Variants in PDE4D observed in about 807,000 individuals in gnomAD.
PDE4D encodes the protein 3',5'-cyclic-AMP phosphodiesterase 4D.
Under a neutral mutation model 87.4 loss-of-function variants are expected in PDE4D, and 24 were observed. The observed-to-expected ratio is 0.27, with a 90% CI of 0.20 to 0.39. The LOEUF (loss-of-function observed/expected upper bound fraction) is 0.39, where lower values mean the gene tolerates loss of function less well. Among genes scored for constraint, PDE4D ranks in the 10% least tolerant of loss-of-function variants. The pLI is 1.00. For synonymous variants in PDE4D, 384 were observed against 383.2 expected (o/e 1.00, Z -0.02); for missense variants, 714 against 1,041.0 (o/e 0.69, Z 4.32).
At chr5:60,360,878 G>A (rs187163035) in intron 1 of PDE4D, among the ~76,000 whole-genome samples, 8 of 152,292 alleles carry the variant, frequency 5.3e-5, no homozygotes, top group Non-Finnish European at 1.0e-4. Flanking sequence ...TTCACTCCAC[G>A]ACTAATCATC....
rs561124800 is a variant in PDE4D, at chr5:59,893,680, C to A, written c.-58G>T. The A allele has an allele frequency of 3.3e-4, 456 of 1,401,336 alleles. 3 individuals are homozygous for A. In the African/African-American group the frequency reaches 5.8e-3, roughly 18 times the overall value. The allele number at this position is 1,401,336 out of a possible 1,614,324, so 86.8% of individuals were successfully genotyped here. On this transcript the variant is annotated 5_prime_UTR_variant, in exon 1 of 15. Coordinates refer to ENST00000340635, the MANE Select transcript of PDE4D (RefSeq NM_001104631.2). Reference sequence around the variant, plus strand: ...CCCGGGTTCACCGCGCTGGCCCGAGCGCCTTCCTGATGCTGCTGCTGCTGC... The same window carrying A: ...CCCGGGTTCACCGCGCTGGCCCGAGAGCCTTCCTGATGCTGCTGCTGCTGC...
intron 1 of PDE4D, among the ~76,000 whole-genome samples, chr5:60,422,088 G>A (rs544797173): frequency 7.2e-5 from 11 of 152,284 alleles, no homozygotes; most frequent in East Asian, 1.9e-4. Context: ...TGAAAGTGAC[G>A]GGGAGAATGG....
intron 5 of PDE4D, among the ~76,000 whole-genome samples, chr5:59,086,432 C>T (rs1286341072): frequency 6.6e-6 from 1 of 152,064 alleles, no homozygotes; most frequent in Non-Finnish European, 1.5e-5. Flanking sequence ...TTGAGAACAC[C>T]ACTCTCCTAA....
intron 3 of PDE4D, among the ~76,000 whole-genome samples, chr5:59,918,921 AGT>A (rs1325722585): frequency 1.3e-5 from 2 of 152,172 alleles, no homozygotes; most frequent in African/African-American, 2.4e-5. Context: ...TGAGATAGTA[AGT>A]GTGTGTTGTT....
Position 59,850,301 on chromosome 5 carries a change from G to A in PDE4D, c.455+42867C>T, listed in dbSNP as rs192433187. Reference sequence around the variant, plus strand: ...TAGTTGCATAGAGAATAACAAAGAGGGTTACGCCAGAACCTCCAAACTTTT... The same window carrying A: ...TAGTTGCATAGAGAATAACAAAGAGAGTTACGCCAGAACCTCCAAACTTTT... On this transcript the variant is annotated intron_variant, in intron 1 of 14. Coordinates refer to ENST00000340635, the MANE Select transcript of PDE4D (RefSeq NM_001104631.2). Among the ~76,000 whole-genome samples, 4 of 152,058 alleles carry A rather than the reference G, an allele frequency of 2.6e-5. No individual in the cohort carries two copies. The East Asian group carries it at 7.8e-4, about 30-fold the overall frequency.
intron 1 of PDE4D, among the ~76,000 whole-genome samples, chr5:59,599,833 C>T (rs1459586456): frequency 2.0e-5 from 3 of 152,146 alleles, no homozygotes; most frequent in African/African-American, 4.8e-5. Flanking sequence ...ATTGACTCCT[C>T]TGGGATTGGA....
At chr5:60,296,636 A>G (rs1050255092) in intron 1 of PDE4D, among the ~76,000 whole-genome samples, 2 of 152,214 alleles carry the variant, frequency 1.3e-5, no homozygotes, top group Non-Finnish European at 2.9e-5. Context: ...CAAAAGACAC[A>G]TGCACGTATA....
At chr5:59,346,290 AT>A (rs1235240538) in intron 1 of PDE4D, among the ~76,000 whole-genome samples, 1 of 151,990 alleles carries the variant, frequency 6.6e-6, no homozygotes, top group Non-Finnish European at 1.5e-5. Flanking sequence ...ATGGCTAAGC[AT>A]TTTTTTCTCT....
intron 1 of PDE4D, among the ~76,000 whole-genome samples, chr5:60,391,015 A>G (rs1020158847): frequency 6.6e-6 from 1 of 152,164 alleles, no homozygotes; most frequent in African/African-American, 2.4e-5. Flanking sequence ...ACTGCTTCCT[A>G]TCACTGTTAC....
chr5:59,502,710 G>GTGTT (rs1491037606), intron 1 of PDE4D, among the ~76,000 whole-genome samples: 2 of 117,248 alleles, frequency 1.7e-5, no homozygotes, highest in African/African-American at 3.2e-5. Flanking sequence ...GTGTGTGTGT[G>GTGTT]TAGTTTGTTT....
chr5:60,260,794 G>C (rs187858397), intron 1 of PDE4D, among the ~76,000 whole-genome samples: 2 of 152,116 alleles, frequency 1.3e-5, no homozygotes, highest in East Asian at 3.9e-4. Flanking sequence ...AGTTCCTAAG[G>C]GACCATGTGT....
At chr5:59,293,430 G>T (rs889428538) in intron 1 of PDE4D, among the ~76,000 whole-genome samples, 13 of 151,994 alleles carry the variant, frequency 8.6e-5, no homozygotes, top group African/African-American at 1.9e-4. Context: ...ACAGGGTTAG[G>T]TTCTTATTTC....
chr5:59,730,471 T>G (rs980234870), intron 1 of PDE4D, among the ~76,000 whole-genome samples: 23 of 152,194 alleles, frequency 1.5e-4, no homozygotes, highest in African/African-American at 4.8e-4. Flanking sequence ...AAACTTTTAC[T>G]TTCAGACTCA....
chr5:59,112,258 G>C (rs1254395707), intron 5 of PDE4D, among the ~76,000 whole-genome samples: 2 of 152,166 alleles, frequency 1.3e-5, no homozygotes, highest in Non-Finnish European at 2.9e-5. Context: ...GGCTGGAGCT[G>C]AGTGAATGAG....
chr5:59,814,419 T>G (rs1768741288), intron 1 of PDE4D, among the ~76,000 whole-genome samples: 2 of 152,202 alleles, frequency 1.3e-5, no homozygotes, highest in East Asian at 1.9e-4. Context: ...ATGGTAGATC[T>G]AAGGAACTTC....
chr5:60,324,111 T>G (rs1756557830), intron 1 of PDE4D, among the ~76,000 whole-genome samples: 2 of 152,272 alleles, frequency 1.3e-5, no homozygotes, highest in Non-Finnish European at 2.9e-5. Context: ...CCTTTACCAC[T>G]CTATCTCCAA....
At chr5:59,321,173 T>G (rs1461563875) in intron 1 of PDE4D, among the ~76,000 whole-genome samples, 1 of 152,070 alleles carries the variant, frequency 6.6e-6, no homozygotes, top group African/African-American at 2.4e-5. Flanking sequence ...ATTTCCTTTC[T>G]GCTCCTGTTC....
At chr5:59,075,932 T>C (rs982434639) in intron 5 of PDE4D, among the ~76,000 whole-genome samples, 1 of 152,160 alleles carries the variant, frequency 6.6e-6, no homozygotes, top group East Asian at 1.9e-4. Flanking sequence ...TTATCCATTT[T>C]TCTACCTCCT....
At chr5:59,039,312 T>C in intron 5 of PDE4D, 1 of 1,042,884 alleles carries the variant, frequency 9.6e-7, no homozygotes, top group Non-Finnish European at 1.2e-6. Context: ...CGAGTCCCAG[T>C]CCAGGAGCCC....
Sources: allele counts gnomAD v4.1 joint callset (sites outside exome capture counted in the v4.1 genomes callset), GRCh38; gene constraint gnomAD v4.1.1; transcripts MANE v1.5; gene names NCBI Gene and HGNC (gene_info 2026-07-23, HGNC 2026-07-21).